SPEN: variants seen among roughly 807,000 people sequenced by gnomAD.
SPEN encodes the protein msx2-interacting protein.
A neutral mutation model predicts 269.9 loss-of-function variants in SPEN; 18 were observed. The observed-to-expected ratio is 0.07, with a 90% CI of 0.05 to 0.10. The LOEUF (loss-of-function observed/expected upper bound fraction) is 0.10. Among genes scored for constraint, SPEN ranks in the 10% least tolerant of loss-of-function variants. SPEN has a pLI of 1.00. For missense variants in SPEN, 3,822 were observed against 4,631.2 expected (o/e 0.83, Z 5.07); for synonymous variants, 1,726 against 1,765.7 (o/e 0.98, Z 0.56).
chr1:15,894,911 A>G (rs1198777954), intron 3 of SPEN, among the ~76,000 whole-genome samples: 1 of 151,678 alleles, frequency 6.6e-6, no homozygotes, highest in Admixed American at 6.6e-5. Context: ...ACACAGCATA[A>G]TATTTACCTT....
chr1:15,872,420 G>A (rs756719150), intron 1 of SPEN, among the ~76,000 whole-genome samples: 27 of 151,804 alleles, frequency 1.8e-4, no homozygotes, highest in Non-Finnish European at 3.1e-4. Context: ...GTGAAACCCC[G>A]TCTCTACTAA....
chr1:15,925,594 AT>A (rs369915074), intron 10 of SPEN, among the ~76,000 whole-genome samples: 196 of 143,776 alleles, frequency 1.4e-3, no homozygotes, highest in Middle Eastern at 3.6e-3. Context: ...TTTTTATTAA[AT>A]TTTTTTTTTT....
rs139111680 is a variant in SPEN, at chr1:15,857,745, C to T, written c.83+9595C>T. On this transcript the variant is annotated intron_variant, in intron 1 of 14. Coordinates refer to ENST00000375759, the MANE Select transcript of SPEN (RefSeq NM_015001.3). ...GCATAATTATGGTTCACTGCAGCCT[C>T]GACCTCCTGGGCTTGAGGTATCCTC... is the stretch of plus-strand genomic sequence containing the variant. 4.2e-3 allele frequency among the ~76,000 whole-genome samples: 639 copies of T among 152,074 alleles called. 3 individuals carry two copies. The highest frequency in any genetic ancestry group is 0.015 in the African/African-American group (613 of 41,448).
chr1:15,916,939 G>T (rs1479408113), intron 6 of SPEN, among the ~76,000 whole-genome samples: 2 of 152,122 alleles, frequency 1.3e-5, no homozygotes, highest in Non-Finnish European at 2.9e-5. Context: ...CCCAGCCTGG[G>T]CAACATGGTG....
rs1181211257 is a variant in SPEN, at chr1:15,929,836, T to C, written c.3596T>C (p.Val1199Ala). The change falls in exon 11 of 15, where the codon GTA (valine) becomes GCA (alanine). Residue 1199 changes from valine (V) to alanine (A), a missense_variant. By Grantham distance (64) the Val-to-Ala change is moderately conservative. This residue lies in a region of SPEN where 46 missense variants were observed against 94.0 expected (regional missense o/e 0.49). Transcript: ENST00000375759. The surrounding 1 kb of genome is among the most constrained non-coding windows in gnomAD (Gnocchi z 5.8). ...SEKFGSPKKD[V>A]DEYERRSLVH... The stretch of plus-strand genomic sequence containing the variant: ...AAGTTTGGCAGTCCTAAAAAAGATG[T>C]AGATGAATATGAAAGACGTAGCCTC... 2 of 1,614,094 alleles carry C rather than the reference T, an allele frequency of 1.2e-6. No individual in the cohort carries two copies. The highest frequency in any genetic ancestry group is 1.3e-5 in the African/African-American group (1 of 75,038).
rs769531178 is a variant in SPEN, at chr1:15,929,822, T to C, written c.3582T>C (p.Ser1194=). ...MEIAKSEKFG[S]PKKDVDEYER... ...TAGCCAAGTCTGAGAAGTTTGGCAG[T>C]CCTAAAAAAGATGTAGATGAATATG... The change falls in exon 11 of 15, where the codon AGT becomes AGC. Residue 1194 remains serine (S), a synonymous_variant. Coordinates refer to ENST00000375759, the MANE Select transcript of SPEN (RefSeq NM_015001.3). This position sits in a 1 kb window ranked among gnomAD's most constrained non-coding sequence, Gnocchi z 5.8. 8.4e-5 allele frequency: 135 copies of C among 1,614,006 alleles called. No homozygotes were observed. The highest frequency in any genetic ancestry group is 1.1e-4 in the Non-Finnish European group (126 of 1,180,040).
intron 3 of SPEN, among the ~76,000 whole-genome samples, chr1:15,887,741 T>G (rs2070750112): frequency 6.6e-6 from 1 of 150,550 alleles, no homozygotes; most frequent in Admixed American, 6.6e-5. Flanking sequence ...AAACAAGTCC[T>G]TCAGGTACGG....
Position 15,933,295 on chromosome 1 carries a change from T to G in SPEN, c.7055T>G (p.Val2352Gly). 6.2e-7 allele frequency: 1 copy of G among 1,614,052 alleles called. No individual in the cohort carries two copies. ...ACAAACAAGAAAGTGGTGGCTCCTGTAGAGAGCCATGTCCCTGAATCCAAC... is the reference window on the plus strand; with the variant it reads ...ACAAACAAGAAAGTGGTGGCTCCTGGAGAGAGCCATGTCCCTGAATCCAAC... ...RNTNKKVVAP[V>G]ESHVPESNQA... Residue 2352 changes from valine to glycine, a missense_variant, in exon 11 of 15, where the codon GTA (valine) becomes GGA (glycine). Val to Gly is a moderately radical substitution (Grantham distance 109, BLOSUM62 -3). Around this residue, in one of 16 missense-constraint regions of SPEN, gnomAD observed 727 missense variants for 737.9 expected, o/e 0.99. Coordinates refer to ENST00000375759, the MANE Select transcript of SPEN (RefSeq NM_015001.3). This position sits in a 1 kb window ranked among gnomAD's most constrained non-coding sequence, Gnocchi z 5.7.
Position 15,939,743 on chromosome 1 carries a change from T to A in SPEN, c.*316T>A. The A allele has an allele frequency of 3.7e-6, 1 of 271,664 alleles. No individual in the cohort carries two copies. Among genetic ancestry groups the A allele is most frequent in the East Asian group, 5.5e-5 (1 of 18,258 alleles). The allele number at this position is 271,664 out of a possible 1,614,324, so 16.8% of individuals were successfully genotyped here. ...GGCAGTGGAATGAAAATTTTTTGTTTGTTTGTTTTTAAGAAACAAGAAAAC... is the reference window on the plus strand; with the variant it reads ...GGCAGTGGAATGAAAATTTTTTGTTAGTTTGTTTTTAAGAAACAAGAAAAC... On this transcript the variant is annotated 3_prime_UTR_variant, in exon 15 of 15. Coordinates refer to ENST00000375759, the MANE Select transcript of SPEN (RefSeq NM_015001.3). This position sits in a 1 kb window ranked among gnomAD's most constrained non-coding sequence, Gnocchi z 4.1.
At chr1:15,890,016 A>C (rs1279750080) in intron 3 of SPEN, among the ~76,000 whole-genome samples, 1 of 151,866 alleles carries the variant, frequency 6.6e-6, no homozygotes, top group Non-Finnish European at 1.5e-5. Flanking sequence ...CACCCGGCCT[A>C]TAGAACATCT....
rs2148739354 is a variant in SPEN, at chr1:15,930,462, T to A, written c.4222T>A (p.Leu1408Met). The A allele has an allele frequency of 6.2e-7, 1 of 1,614,190 alleles. No homozygotes were observed. The highest frequency in any genetic ancestry group is 1.1e-5 in the South Asian group (1 of 91,078). Residue 1408 changes from leucine (L) to methionine (M), a missense_variant, in exon 11 of 15, where the codon TTG (leucine) becomes ATG (methionine). Leu to Met is a conservative substitution (Grantham distance 15, BLOSUM62 2). Around this residue, in one of 16 missense-constraint regions of SPEN, gnomAD observed 267 missense variants for 315.5 expected, o/e 0.85. Coordinates refer to ENST00000375759, the MANE Select transcript of SPEN (RefSeq NM_015001.3). The surrounding 1 kb of genome is among the most constrained non-coding windows in gnomAD (Gnocchi z 5.3). ...TGAAAGTTCTCGATTGTCTTTTTTA[T>A]TGAGGGACAGAGAAGACAAGCTACG... The part of the protein sequence containing the change: ...LYESSRLSFL[L>M]RDREDKLRER...
At chr1:15,889,164 C>CTTTTTTTTTTTTTTTTTTTT (rs56721891) in intron 3 of SPEN, among the ~76,000 whole-genome samples, 1 of 124,926 alleles carries the variant, frequency 8.0e-6, no homozygotes, top group African/African-American at 3.2e-5. Flanking sequence ...CTTTTCTTTT[C>CTTTTTTTTTTTTTTTTTTTT]TTTTTTTTTT....
chr1:15,895,371 A>T (rs1248498660), intron 3 of SPEN, among the ~76,000 whole-genome samples: 1 of 152,114 alleles, frequency 6.6e-6, no homozygotes, highest in African/African-American at 2.4e-5. Flanking sequence ...TTCTGTCCTC[A>T]TGAATTCTTG....
intron 3 of SPEN, among the ~76,000 whole-genome samples, chr1:15,902,877 A>T (rs2070917003): frequency 6.6e-6 from 1 of 152,096 alleles, no homozygotes; most frequent in Non-Finnish European, 1.5e-5. Flanking sequence ...AATTGCCCTA[A>T]TCGCTCCTTT....
In SPEN at chr1:15,919,057, T is replaced by C. The variant is rs191455175; in HGVS notation, c.1521+6T>C. 8.2e-5 allele frequency: 132 copies of C among 1,604,894 alleles called. No homozygotes were observed. In the African/African-American group the frequency reaches 1.6e-3, roughly 20 times the overall value. Reference sequence around the variant, plus strand: ...TTGGAAATAATCGCCTCAAGGTAAATGAATTTGCATAAATTATTGTGCTGT... The same window carrying C: ...TTGGAAATAATCGCCTCAAGGTAAACGAATTTGCATAAATTATTGTGCTGT... On this transcript the variant is annotated splice_donor_region_variant and intron_variant, in intron 7 of 14. Coordinates refer to ENST00000375759, the MANE Select transcript of SPEN (RefSeq NM_015001.3).
chr1:15,918,587 T>C (rs2071088131), intron 6 of SPEN, among the ~76,000 whole-genome samples: 1 of 152,254 alleles, frequency 6.6e-6, no homozygotes, highest in Non-Finnish European at 1.5e-5. Context: ...AATTATTTCT[T>C]AGGATTTCAT....
At chr1:15,893,263 G>A (rs2070807025) in intron 3 of SPEN, among the ~76,000 whole-genome samples, 1 of 152,144 alleles carries the variant, frequency 6.6e-6, no homozygotes, top group South Asian at 2.1e-4. Flanking sequence ...CATCTGTGTT[G>A]CTTCTAGGCA....
chr1:15,863,609 G>A (rs2070468497), intron 1 of SPEN, among the ~76,000 whole-genome samples: 1 of 152,172 alleles, frequency 6.6e-6, no homozygotes, highest in African/African-American at 2.4e-5. Flanking sequence ...GGGAGACCGA[G>A]ACTAGAGGAC....
intron 3 of SPEN, 28 bp from the exon 4 acceptor site, chr1:15,909,292 TA>T (rs1159623860): frequency 1.9e-6 from 3 of 1,585,068 alleles, no homozygotes; most frequent in Non-Finnish European, 2.6e-6. Context: ...GTCTTTTCAC[TA>T]AAGTTTGTTG....
Sources: gnomAD v4.1 joint callset for allele counts (sites outside exome capture counted in the v4.1 genomes callset) on GRCh38, gnomAD v4.1.1 for gene constraint, gnomAD v4.1.1 regional missense constraint, Gnocchi (gnomAD v3.1) non-coding constraint, MANE v1.5 for transcripts, NCBI Gene and HGNC (gene_info 2026-07-23, HGNC 2026-07-21) for gene names.